TENM3: variants seen among roughly 807,000 people sequenced by gnomAD.
TENM3 encodes the protein teneurin transmembrane protein 3, also known as teneurin-3.
Under a neutral mutation model 255.1 loss-of-function variants are expected in TENM3, and 63 were observed. The ratio of observed to expected loss-of-function variants is 0.25; its 90% CI spans 0.20 to 0.30. The LOEUF (loss-of-function observed/expected upper bound fraction) is 0.30. TENM3 is among the 10% of genes least tolerant of loss of function. TENM3 has a pLI of 1.00. For missense variants in TENM3, 2,929 were observed against 3,461.1 expected (o/e 0.85, Z 3.86); for synonymous variants, 1,306 against 1,322.3 (o/e 0.99, Z 0.27).
chr4:182,608,624 C>CGGTCT (rs1748660920), intron 4 of TENM3, among the ~76,000 whole-genome samples: 1 of 152,138 alleles, frequency 6.6e-6, no homozygotes, highest in Non-Finnish European at 1.5e-5. Flanking sequence ...TGCAGCCGCC[C>CGGTCT]GGTCTGCAGG....
At chr4:182,232,622 G>A (rs532402796) in intron 1 of TENM3, among the ~76,000 whole-genome samples, 13 of 152,132 alleles carry the variant, frequency 8.5e-5, no homozygotes, top group Admixed American at 2.0e-4. Context: ...ACTTGAACTC[G>A]GAGACCAAGG....
At chr4:181,968,990 C>CTATA in the TENM3 span, among the ~76,000 whole-genome samples, 145 of 94,840 alleles carry the variant, frequency 1.5e-3, no homozygotes, top group African/African-American at 5.2e-3. Flanking sequence ...CTCTCTCTCT[C>CTATA]TCTATATACA....
chr4:182,273,376 G>T (rs991189540), intron 1 of TENM3, among the ~76,000 whole-genome samples: 2 of 152,212 alleles, frequency 1.3e-5, no homozygotes, highest in African/African-American at 4.8e-5. Context: ...CAGAAGATAA[G>T]CATTTTGCAT....
At chr4:181,525,920 C>G in the TENM3 span, among the ~76,000 whole-genome samples, 23 of 149,268 alleles carry the variant, frequency 1.5e-4, no homozygotes, top group Non-Finnish European at 3.0e-4. Flanking sequence ...CAGCCCTTGC[C>G]TGGGCTGATT....
At chr4:181,984,091 T>A in the TENM3 span, among the ~76,000 whole-genome samples, 2 of 151,990 alleles carry the variant, frequency 1.3e-5, no homozygotes, top group African/African-American at 4.8e-5. Flanking sequence ...TCTGTCCCCT[T>A]TTTTGTCTGT....
chr4:182,393,509 T>A (rs935710100), intron 3 of TENM3, among the ~76,000 whole-genome samples: 1 of 152,204 alleles, frequency 6.6e-6, no homozygotes, highest in African/African-American at 2.4e-5. Flanking sequence ...TCCACAAGCC[T>A]AATTTATTTA....
intron 1 of TENM3, among the ~76,000 whole-genome samples, chr4:182,312,078 A>C (rs1198287933): frequency 6.6e-6 from 1 of 152,222 alleles, no homozygotes; most frequent in African/African-American, 2.4e-5. Flanking sequence ...GCATGACTTG[A>C]ACATTTTTAT....
intron 1 of TENM3, among the ~76,000 whole-genome samples, chr4:182,288,704 A>G (rs1045920639): frequency 6.6e-6 from 1 of 152,136 alleles, no homozygotes; most frequent in Non-Finnish European, 1.5e-5. Context: ...CCAAGCTCAT[A>G]CAGCTGTTCA....
the TENM3 span, among the ~76,000 whole-genome samples, chr4:181,605,167 C>A: frequency 6.6e-6 from 1 of 152,030 alleles, no homozygotes; most frequent in Non-Finnish European, 1.5e-5. Context: ...AGCAAACCAG[C>A]CGGCGTGGTG....
At chr4:182,496,019 A>G (rs1006729105) in intron 3 of TENM3, among the ~76,000 whole-genome samples, 16 of 152,234 alleles carry the variant, frequency 1.1e-4, no homozygotes, top group African/African-American at 3.9e-4. Context: ...CATTATAAAG[A>G]CAGCCTGTAA....
intron 3 of TENM3, among the ~76,000 whole-genome samples, chr4:182,453,140 C>T (rs1353381808): frequency 6.6e-6 from 1 of 152,012 alleles, no homozygotes; most frequent in Non-Finnish European, 1.5e-5. Flanking sequence ...TTGTTACAGA[C>T]CCAGCTCTTC....
At chr4:182,579,818 A>C (rs1044672628) in intron 3 of TENM3, among the ~76,000 whole-genome samples, 3 of 152,214 alleles carry the variant, frequency 2.0e-5, no homozygotes, top group Non-Finnish European at 1.5e-5. Flanking sequence ...TGGTATAAGG[A>C]AAGTTACATT....
the TENM3 span, among the ~76,000 whole-genome samples, chr4:182,024,765 A>G: frequency 1.3e-5 from 2 of 152,112 alleles, no homozygotes; most frequent in Non-Finnish European, 2.9e-5. Flanking sequence ...GCTATCATGT[A>G]CTAGGTCTTA....
the TENM3 span, among the ~76,000 whole-genome samples, chr4:181,793,545 T>A: frequency 6.6e-6 from 1 of 152,208 alleles, no homozygotes; most frequent in Non-Finnish European, 1.5e-5. Flanking sequence ...TCATTCACTG[T>A]GGCTTTGAAG....
intron 7 of TENM3, among the ~76,000 whole-genome samples, chr4:182,679,122 T>C (rs1010604265): frequency 2.6e-5 from 4 of 152,048 alleles, no homozygotes; most frequent in African/African-American, 9.7e-5. Context: ...GATGGATTGA[T>C]GGGTGCAGCA....
rs180850523 is a variant in TENM3, at chr4:182,230,647, C to T, written c.-76+85893C>T. ...AACCTCCCCATCTGCACCCTTCCTA[C>T]GCAAAGCAGGGTGTCCTACCTTCTT... On this transcript the variant is annotated intron_variant, in intron 1 of 2. Coordinates refer to the TENM3 transcript ENST00000512480. Among the ~76,000 whole-genome samples the T allele has an allele frequency of 3.9e-4, 59 of 151,796 alleles. No homozygotes were observed. The East Asian group carries it at 9.5e-3, about 25-fold the overall frequency.
chr4:181,679,158 G>A, the TENM3 span, among the ~76,000 whole-genome samples: 3 of 152,078 alleles, frequency 2.0e-5, no homozygotes. Context: ...CATCTGCTGA[G>A]TGTTCAAACT....
At chr4:182,067,480 A>G in the TENM3 span, among the ~76,000 whole-genome samples, 2 of 152,210 alleles carry the variant, frequency 1.3e-5, no homozygotes, top group Non-Finnish European at 2.9e-5. Flanking sequence ...AAAAGGTAAT[A>G]TGGCATTATC....
At chr4:182,097,457 A>G in the TENM3 span, among the ~76,000 whole-genome samples, 3 of 151,446 alleles carry the variant, frequency 2.0e-5, no homozygotes, top group African/African-American at 7.3e-5. Context: ...CAGCCTACCG[A>G]CCCCTTCTGA....
Sources: gnomAD v4.1 joint callset for allele counts (sites outside exome capture counted in the v4.1 genomes callset) on GRCh38, gnomAD v4.1.1 for gene constraint, MANE v1.5 for transcripts, NCBI Gene and HGNC (gene_info 2026-07-23, HGNC 2026-07-21) for gene names.